Variants in FAM151B observed in about 807,000 individuals in gnomAD.
The protein encoded by FAM151B is protein FAM151B.
FAM151B carries 24 observed loss-of-function variants against 31.2 expected under a neutral mutation model. That is an observed-to-expected ratio of 0.77 (90% CI 0.56 to 1.08). FAM151B has a LOEUF of 1.08. FAM151B is among the 50% of genes least tolerant of loss of function. The pLI is 0.00. For missense variants in FAM151B, 293 were observed against 328.6 expected, an observed-to-expected ratio of 0.89 and a Z score of 0.84; for synonymous variants, 105 against 111.4, an observed-to-expected ratio of 0.94 and a Z score of 0.36.
intron 5 of FAM151B, among the ~76,000 whole-genome samples, chr5:80,531,355 G>T (rs1006701458): frequency 1.3e-5 from 2 of 152,118 alleles, no homozygotes; most frequent in African/African-American, 4.8e-5. Flanking sequence ...AACACCAAAA[G>T]CAATGGCAAC....
intron 3 of FAM151B, among the ~76,000 whole-genome samples, chr5:80,514,757 T>C (rs1167437921): frequency 1.3e-5 from 2 of 152,052 alleles, no homozygotes; most frequent in Admixed American, 6.5e-5. Context: ...AATAGAATTA[T>C]CTCAAGAAAT....
At chr5:80,506,444 C>T (rs1227287103) in intron 2 of FAM151B, among the ~76,000 whole-genome samples, 1 of 152,266 alleles carries the variant, frequency 6.6e-6, no homozygotes, top group East Asian at 1.9e-4. Flanking sequence ...ACACTTAAAG[C>T]TCACCTGACC....
chr5:80,519,935 T>G, intron 4 of FAM151B, 25 bp downstream of exon 4: 2 of 1,592,556 alleles, frequency 1.3e-6, no homozygotes, highest in Non-Finnish European at 1.7e-6. Context: ...AATGTATTTC[T>G]TGGTCAAATT....
At chr5:80,535,183 A>G (rs1561381386) in intron 5 of FAM151B, among the ~76,000 whole-genome samples, 1 of 152,176 alleles carries the variant, frequency 6.6e-6, no homozygotes, top group Non-Finnish European at 1.5e-5. Flanking sequence ...ACCTAAAGCA[A>G]TCTGTAGATT....
At chr5:80,519,083 T>C (rs1300691653) in intron 3 of FAM151B, among the ~76,000 whole-genome samples, 1 of 152,192 alleles carries the variant, frequency 6.6e-6, no homozygotes, top group Non-Finnish European at 1.5e-5. Flanking sequence ...ATATACGTAT[T>C]TCTAATTTTC....
intron 5 of FAM151B, among the ~76,000 whole-genome samples, chr5:80,526,379 G>A (rs575733376): frequency 3.2e-4 from 49 of 151,906 alleles, no homozygotes; most frequent in African/African-American, 1.1e-3. Flanking sequence ...AGGCCAAGGC[G>A]GGCGGATCAC....
At chr5:80,500,236 T>C in intron 1 of FAM151B, 1 of 549,058 alleles carries the variant, frequency 1.8e-6, no homozygotes, top group Non-Finnish European at 3.2e-6. Flanking sequence ...ACAATGGCTA[T>C]GGGGAGGGGG....
At chr5:80,513,211 G>A (rs1309821179) in intron 2 of FAM151B, among the ~76,000 whole-genome samples, 2 of 152,184 alleles carry the variant, frequency 1.3e-5, no homozygotes, top group African/African-American at 4.8e-5. Context: ...TTTCAAACAT[G>A]AGCAATGAAT....
chr5:80,536,789 G>A (rs1207520228), intron 5 of FAM151B, among the ~76,000 whole-genome samples: 2 of 152,152 alleles, frequency 1.3e-5, no homozygotes, highest in East Asian at 3.9e-4. Context: ...AGTGAAATAA[G>A]CCAGGCACAG....
At chr5:80,505,743 A>G (rs1743930619) in intron 2 of FAM151B, among the ~76,000 whole-genome samples, 1 of 134,846 alleles carries the variant, frequency 7.4e-6, no homozygotes, top group South Asian at 2.3e-4. Context: ...CTTTCTTCCT[A>G]TAAGAATTTT....
At chr5:80,514,214 C>T (rs1207548656) in intron 3 of FAM151B, among the ~76,000 whole-genome samples, 1 of 152,060 alleles carries the variant, frequency 6.6e-6, no homozygotes, top group Non-Finnish European at 1.5e-5. Flanking sequence ...GTGGCTTCAG[C>T]CTGTAATTCC....
chr5:80,517,743 G>A (rs966275872), intron 3 of FAM151B, among the ~76,000 whole-genome samples: 2 of 152,140 alleles, frequency 1.3e-5, no homozygotes, highest in Non-Finnish European at 2.9e-5. Context: ...GTAAACACTG[G>A]TGGAATTTCG....
Position 80,541,943 on chromosome 5 carries a change from T to C in FAM151B, c.*111T>C. ...TTATTGATTGACGTTCCAAGTCATC[T>C]AATCAAGAAACGTTTATTGTATGCT... is the stretch of plus-strand genomic sequence containing the variant. On this transcript the variant is annotated 3_prime_UTR_variant, in exon 6 of 6. Coordinates refer to ENST00000282226, the MANE Select transcript of FAM151B (RefSeq NM_205548.3). 8.5e-7 allele frequency: 1 copy of C among 1,175,938 alleles called. No homozygotes were observed. The highest frequency in any genetic ancestry group is 1.2e-6 in the Non-Finnish European group (1 of 846,438). The allele number at this position is 1,175,938 out of a possible 1,614,324, so 72.8% of individuals were successfully genotyped here.
chr5:80,491,644 C>A (rs182665903), intron 1 of FAM151B, among the ~76,000 whole-genome samples: 71 of 152,286 alleles, frequency 4.7e-4, no homozygotes, highest in Non-Finnish European at 8.8e-4. Flanking sequence ...CTGGCTGCAT[C>A]CCTAGCCTCT....
chr5:80,521,116 CTTTT>C (rs57212651), intron 4 of FAM151B, among the ~76,000 whole-genome samples: 1 of 71,878 alleles, frequency 1.4e-5, no homozygotes, highest in Non-Finnish European at 2.5e-5. Context: ...TGCACCTGGC[CTTTT>C]TTTTTTTTTT....
chr5:80,520,757 A>G (rs1376660090), intron 4 of FAM151B, among the ~76,000 whole-genome samples: 1 of 148,336 alleles, frequency 6.7e-6, no homozygotes, highest in Non-Finnish European at 1.5e-5. Context: ...CTCTATATAT[A>G]CATAGATACT....
intron 1 of FAM151B, among the ~76,000 whole-genome samples, chr5:80,495,901 G>T (rs760845220): frequency 6.8e-6 from 1 of 147,730 alleles, no homozygotes; most frequent in Non-Finnish European, 1.5e-5. Context: ...GCCTGAAGAT[G>T]TGACTACATT....
chr5:80,507,747 A>G (rs1433546952), intron 2 of FAM151B, among the ~76,000 whole-genome samples: 3 of 152,190 alleles, frequency 2.0e-5, no homozygotes, highest in Non-Finnish European at 4.4e-5. Flanking sequence ...TCTTCAAACT[A>G]CTTCAATAAC....
At chr5:80,495,251 C>T (rs753326637) in intron 1 of FAM151B, 6 of 152,222 alleles carry the variant, frequency 3.9e-5, no homozygotes, top group Non-Finnish European at 8.8e-5. Flanking sequence ...TTCCTGCATG[C>T]TTGCATCTAT....
Sources: gnomAD v4.1 joint callset for allele counts (sites outside exome capture counted in the v4.1 genomes callset) on GRCh38, gnomAD v4.1.1 for gene constraint, MANE v1.5 for transcripts, NCBI Gene and HGNC (gene_info 2026-07-23, HGNC 2026-07-21) for gene names.